The following EIF4G3 variants were observed in gnomAD, a reference collection of about 807,000 sequenced individuals.
The protein encoded by EIF4G3 is eukaryotic translation initiation factor 4 gamma 3.
In EIF4G3, 34 loss-of-function variants were observed where a neutral mutation model predicts 186.4. That is an observed-to-expected ratio of 0.18 (90% CI 0.14 to 0.24). EIF4G3 has a LOEUF of 0.24. Ranked by LOEUF, EIF4G3 falls within the 10% of genes least tolerant of loss-of-function variation. EIF4G3 has a pLI of 1.00. For missense variants in EIF4G3, 1,536 were observed against 1,948.5 expected, an observed-to-expected ratio of 0.79 and a Z score of 3.99; for synonymous variants, 673 against 679.5, an observed-to-expected ratio of 0.99 and a Z score of 0.15.
chr1:21,171,996 A>G (rs1353296971), intron 2 of EIF4G3, among the ~76,000 whole-genome samples: 1 of 152,026 alleles, frequency 6.6e-6, no homozygotes, highest in Non-Finnish European at 1.5e-5. Flanking sequence ...GAAAAGACCC[A>G]CCACAGATCA....
rs140208449 is a variant in EIF4G3 at position 21,017,157 on chromosome 1, A to G, written c.-66-14349T>C. Among the ~76,000 whole-genome samples the G allele has an allele frequency of 1.9e-3, 283 of 152,316 alleles. 1 individual carries two copies. Among genetic ancestry groups the G allele is most frequent in the African/African-American group, 6.4e-3 (264 of 41,566 alleles). Reference sequence around the variant, plus strand: ...TTTAAAAAGAAGCGAGTTCTCACACATTACAACATGGATGAGCTTTGAGGA... The same window carrying G: ...TTTAAAAAGAAGCGAGTTCTCACACGTTACAACATGGATGAGCTTTGAGGA... On this transcript the variant is annotated intron_variant, in intron 4 of 36. Transcript: ENST00000602326.
chr1:20,844,664 C>T (rs966859541), intron 29 of EIF4G3, among the ~76,000 whole-genome samples: 1 of 152,094 alleles, frequency 6.6e-6, no homozygotes, highest in Non-Finnish European at 1.5e-5. Flanking sequence ...AACCCCGTCT[C>T]TACTAAAAAT....
intron 19 of EIF4G3, among the ~76,000 whole-genome samples, chr1:20,883,696 GA>G (rs765531273): frequency 3.3e-5 from 5 of 151,400 alleles, no homozygotes; most frequent in African/African-American, 7.3e-5. Context: ...GTAAAGGGAA[GA>G]AAAAAAATAA....
chr1:20,814,285 C>T (rs914307333), intron 34 of EIF4G3, among the ~76,000 whole-genome samples: 4 of 152,112 alleles, frequency 2.6e-5, no homozygotes, highest in Non-Finnish European at 5.9e-5. Flanking sequence ...CACATTTTTG[C>T]ACATTCTTGC....
At chr1:20,871,641 G>A (rs2079218024) in intron 20 of EIF4G3, among the ~76,000 whole-genome samples, 1 of 152,186 alleles carries the variant, frequency 6.6e-6, no homozygotes, top group African/African-American at 2.4e-5. Context: ...GATCTTTCCT[G>A]TCTGACTTCA....
At chr1:20,922,796 A>C (rs745808263) in intron 14 of EIF4G3, among the ~76,000 whole-genome samples, 1 of 150,440 alleles carries the variant, frequency 6.6e-6, no homozygotes, top group Non-Finnish European at 1.5e-5. Context: ...AATAATTATT[A>C]GGGTTTGAGT....
At chr1:21,113,139 C>T in intron 2 of EIF4G3, among the ~76,000 whole-genome samples, 1 of 99,426 alleles carries the variant, frequency 1.0e-5, no homozygotes, top group African/African-American at 3.8e-5. Flanking sequence ...TGATAGAGGC[C>T]CTATCTCAAA....
At chr1:20,939,641 A>G (rs1170334779) in intron 14 of EIF4G3, among the ~76,000 whole-genome samples, 1 of 152,102 alleles carries the variant, frequency 6.6e-6, no homozygotes, top group Non-Finnish European at 1.5e-5. Flanking sequence ...TGTATCTTCA[A>G]CTTATATTTC....
intron 30 of EIF4G3, among the ~76,000 whole-genome samples, chr1:20,833,361 C>G (rs2065851083): frequency 6.6e-6 from 1 of 152,060 alleles, no homozygotes; most frequent in African/African-American, 2.4e-5. Flanking sequence ...GTATTTTATT[C>G]TTTTTGAAGC....
rs1558164692 is a variant in EIF4G3, at chr1:20,904,928, T to C, written c.1707A>G (p.Lys569=). The change falls in exon 15 of 37, where the codon AAA becomes AAG. Residue 569 remains lysine (K), a synonymous_variant. Coordinates refer to ENST00000602326, the MANE Select transcript of EIF4G3 (RefSeq NM_001391906.1). ...ITVPKTWKKP[K]DRTRTTEEML... Reference sequence around the variant, plus strand: ...TCTCTTCAGTGGTTCGGGTCCGATCTTTTGGTTTCTTCCATGTCTTTGGTA... The same window carrying C: ...TCTCTTCAGTGGTTCGGGTCCGATCCTTTGGTTTCTTCCATGTCTTTGGTA... 2 of 1,614,022 alleles carry C rather than the reference T, an allele frequency of 1.2e-6. No individual in the cohort carries two copies.
In EIF4G3 at chr1:21,044,429, T is replaced by C. The variant is rs6689588; in HGVS notation, c.-67+6437A>G. Among the ~76,000 whole-genome samples, 1,362 of 152,288 alleles carry C rather than the reference T, an allele frequency of 8.9e-3. 15 individuals are homozygous for C. The highest frequency in any genetic ancestry group is 0.033 in the Admixed American group (501 of 15,298). ...GGGGCCATGGGGAGTGTAAAAACTATACATTTTGCTTTTTTTAAATTAAAT... is the reference window on the plus strand; with the variant it reads ...GGGGCCATGGGGAGTGTAAAAACTACACATTTTGCTTTTTTTAAATTAAAT... On this transcript the variant is annotated intron_variant, in intron 4 of 36. Transcript: ENST00000602326.
intron 17 of EIF4G3, 127 bp from the exon 18 acceptor site, chr1:20,893,763 G>A (rs2086918186): frequency 9.3e-7 from 1 of 1,070,318 alleles, no homozygotes; most frequent in African/African-American, 1.6e-5. Flanking sequence ...GGAACCCGCA[G>A]AAGTCCAATC....
intron 20 of EIF4G3, among the ~76,000 whole-genome samples, chr1:20,872,957 G>A (rs1015262943): frequency 5.9e-5 from 9 of 152,090 alleles, no homozygotes; most frequent in Non-Finnish European, 5.9e-5. Flanking sequence ...GGCTGGCCTT[G>A]AACTCCTGAC....
intron 4 of EIF4G3, among the ~76,000 whole-genome samples, chr1:21,022,107 G>C (rs1219396131): frequency 6.6e-6 from 1 of 152,142 alleles, no homozygotes; most frequent in Admixed American, 6.5e-5. Flanking sequence ...TCTGTCCAAA[G>C]TATAATCTAA....
chr1:21,115,244 C>A (rs2096796592), intron 2 of EIF4G3, among the ~76,000 whole-genome samples: 1 of 152,110 alleles, frequency 6.6e-6, no homozygotes, highest in South Asian at 2.1e-4. Context: ...TCACATGACC[C>A]ACAGAGGACA....
chr1:21,027,540 G>A (rs889495568), intron 4 of EIF4G3, among the ~76,000 whole-genome samples: 2 of 151,828 alleles, frequency 1.3e-5, no homozygotes, highest in Non-Finnish European at 2.9e-5. Flanking sequence ...TGAGGCAGGA[G>A]AATCGCTTGA....
intron 18 of EIF4G3, among the ~76,000 whole-genome samples, chr1:20,891,848 G>C (rs112346072): frequency 1.3e-5 from 2 of 151,426 alleles, no homozygotes; most frequent in African/African-American, 4.8e-5. Context: ...AGACTTTCTG[G>C]TGAGGTAACT....
chr1:21,132,745 A>G (rs1016305657), intron 2 of EIF4G3, among the ~76,000 whole-genome samples: 1 of 151,684 alleles, frequency 6.6e-6, no homozygotes, highest in Admixed American at 6.6e-5. Context: ...CAGCTTTCAT[A>G]GCTTTTAAAA....
chr1:21,059,926 C>A (rs923367944), intron 3 of EIF4G3, among the ~76,000 whole-genome samples: 1 of 152,228 alleles, frequency 6.6e-6, no homozygotes, highest in Non-Finnish European at 1.5e-5. Context: ...CGAAAGTGGA[C>A]CCTATGTGAA....
Sources: gnomAD v4.1 joint callset for allele counts (sites outside exome capture counted in the v4.1 genomes callset) on GRCh38, gnomAD v4.1.1 for gene constraint, MANE v1.5 for transcripts, NCBI Gene and HGNC (gene_info 2026-07-23, HGNC 2026-07-21) for gene names.